PNPLA1: variants seen among roughly 807,000 people sequenced by gnomAD.
PNPLA1 encodes the protein patatin like domain 1, omega-hydroxyceramide transacylase, also known as omega-hydroxyceramide transacylase.
In PNPLA1, 36 loss-of-function variants were observed where a neutral mutation model predicts 51.7. That is an observed-to-expected ratio of 0.70 (90% CI 0.53 to 0.92). The LOEUF is 0.92. Ranked by LOEUF, PNPLA1 falls within the 40% of genes least tolerant of loss-of-function variation. The pLI, the probability that PNPLA1 is intolerant of heterozygous loss-of-function variation, is 0.00. For missense variants in PNPLA1, 658 were observed against 682.5 expected (o/e 0.96, Z 0.40); for synonymous variants, 293 against 280.1 (o/e 1.05, Z -0.46).
In PNPLA1 at chr6:36,301,948, A is replaced by G. The variant is rs34598813; in HGVS notation, c.863A>G (p.Glu288Gly). The G allele has an allele frequency of 0.065, 105,575 of 1,614,132 alleles. 3,698 individuals carry two copies. Among genetic ancestry groups the G allele is most frequent in the African/African-American group, 0.12 (8,992 of 75,024 alleles). Residue 288 changes from glutamate (E) to glycine (G), a missense_variant, in exon 6 of 9, where the codon GAG becomes GGG. By Grantham distance (98) the Glu-to-Gly change is moderately conservative. Coordinates refer to ENST00000636260, the MANE Select transcript of PNPLA1 (RefSeq NM_001374623.1). Reference protein sequence around the residue: ...YCQIELALGNECPERSQPSLR... With the variant: ...YCQIELALGNGCPERSQPSLR... ...CAGATAGAACTCGCCCTTGGCAATGAGTGCCCTGAACGCAGTCAACCAAGC... is the reference window on the plus strand; with the variant it reads ...CAGATAGAACTCGCCCTTGGCAATGGGTGCCCTGAACGCAGTCAACCAAGC...
At chr6:36,276,019 T>C (rs1770086008) in intron 1 of PNPLA1, among the ~76,000 whole-genome samples, 1 of 151,786 alleles carries the variant, frequency 6.6e-6, no homozygotes, top group African/African-American at 2.4e-5. Context: ...CATGCAGTGG[T>C]GTGATCTCGG....
At chr6:36,297,964 T>C (rs1582090378) in intron 5 of PNPLA1, among the ~76,000 whole-genome samples, 1 of 151,996 alleles carries the variant, frequency 6.6e-6, no homozygotes, top group South Asian at 2.1e-4. Context: ...CCTTTCGTGA[T>C]CCCTCCCACC....
chr6:36,250,542 T>C (rs375961625), intron 1 of PNPLA1, among the ~76,000 whole-genome samples: 38 of 152,346 alleles, frequency 2.5e-4, no homozygotes, highest in African/African-American at 7.9e-4. Context: ...TCCTTGTAGC[T>C]GAGTTCATCC....
intron 1 of PNPLA1, among the ~76,000 whole-genome samples, chr6:36,253,420 G>A (rs1582027051): frequency 6.6e-6 from 1 of 152,218 alleles, no homozygotes; most frequent in East Asian, 1.9e-4. Flanking sequence ...CCACAAATGG[G>A]TTAACTAAGT....
chr6:36,248,675 T>A (rs535614763), intron 1 of PNPLA1, among the ~76,000 whole-genome samples: 1 of 152,124 alleles, frequency 6.6e-6, no homozygotes, highest in South Asian at 2.1e-4. Flanking sequence ...CATGCCACCA[T>A]GCCCAGCTAA....
chr6:36,280,614 C>T (rs779529221), intron 1 of PNPLA1, among the ~76,000 whole-genome samples: 8 of 152,210 alleles, frequency 5.3e-5, no homozygotes, highest in Non-Finnish European at 1.2e-4. Context: ...AGCCCAAGAA[C>T]GTAGTCCCTG....
intron 1 of PNPLA1, among the ~76,000 whole-genome samples, chr6:36,281,413 C>T (rs1360824028): frequency 6.6e-6 from 1 of 152,192 alleles, no homozygotes; most frequent in Non-Finnish European, 1.5e-5. Context: ...TTTTGAATAA[C>T]AGCTATTTAC....
In PNPLA1 at chr6:36,297,888, A is replaced by ACACC. The variant is rs60041749; in HGVS notation, c.775+2465_775+2466insACCC. 1.4e-3 allele frequency among the ~76,000 whole-genome samples: 216 copies of ACACC among 150,774 alleles called. 1 individual carries two copies. Among genetic ancestry groups the ACACC allele is most frequent in the Non-Finnish European group, 2.2e-3 (148 of 67,732 alleles). The stretch of plus-strand genomic sequence containing the variant: ...TGTACACACACACACACACACACAC[A>ACACC]CCCTGTGAAACCATCACCACAATTA... On this transcript the variant is annotated intron_variant, in intron 5 of 8. Coordinates refer to ENST00000636260, the MANE Select transcript of PNPLA1 (RefSeq NM_001374623.1).
Position 36,270,413 on chromosome 6 carries a change from T to A in PNPLA1, c.-47T>A. ...GGCAGCCCAGGCTCGGGCAGGCAAGTGCTGAAGGGTGGCTCCGCCTTCCGC... is the reference window on the plus strand; with the variant it reads ...GGCAGCCCAGGCTCGGGCAGGCAAGAGCTGAAGGGTGGCTCCGCCTTCCGC... On this transcript the variant is annotated 5_prime_UTR_variant, in exon 1 of 9. Coordinates refer to ENST00000636260, the MANE Select transcript of PNPLA1 (RefSeq NM_001374623.1). The A allele has an allele frequency of 6.5e-7, 1 of 1,544,510 alleles. No individual in the cohort carries two copies. Among genetic ancestry groups the A allele is most frequent in the Non-Finnish European group, 8.8e-7 (1 of 1,142,200 alleles).
intron 1 of PNPLA1, among the ~76,000 whole-genome samples, chr6:36,246,941 G>A (rs922737319): frequency 2.6e-5 from 4 of 151,974 alleles, no homozygotes; most frequent in Non-Finnish European, 4.4e-5. Flanking sequence ...GCCTCCCCGC[G>A]CTCACTGCTG....
upstream of PNPLA1, among the ~76,000 whole-genome samples, chr6:36,268,686 A>G (rs1303641677): frequency 6.6e-6 from 1 of 152,118 alleles, no homozygotes; most frequent in African/African-American, 2.4e-5. Flanking sequence ...GTACTTAATT[A>G]TAGATTGCCT....
intron 5 of PNPLA1, 117 bp from the exon 6 acceptor site, chr6:36,301,744 C>T (rs1195910983): frequency 3.1e-5 from 41 of 1,343,656 alleles, no homozygotes; most frequent in South Asian, 2.4e-4. Context: ...CAAGTAAGTA[C>T]AGAAAGACCT....
In PNPLA1 at chr6:36,294,270, G is replaced by T. The variant is rs762538744; in HGVS notation, c.585G>T (p.Gly195=). The T allele has an allele frequency of 1.2e-5, 20 of 1,614,092 alleles. No homozygotes were observed. Among genetic ancestry groups the T allele is most frequent in the Non-Finnish European group, 1.4e-5 (17 of 1,180,036 alleles). The change falls in exon 4 of 9, where the codon GGG becomes GGT. Residue 195 remains glycine, a synonymous_variant. Coordinates refer to ENST00000636260, the MANE Select transcript of PNPLA1 (RefSeq NM_001374623.1). The surrounding 1 kb of genome is among the most constrained non-coding windows in gnomAD (Gnocchi z 4.2). ...TDAITISTFS[G]QQDICPRDCP... is the part of the protein sequence containing the mutation. ...CCATCACCATCTCCACCTTCAGTGG[G>T]CAGCAGGACATCTGTCCCCGGGACT...
At chr6:36,282,092 G>GAAAGAAAGAAAGAAAGAAAAGAAAGAAA (rs59914317) in intron 1 of PNPLA1, among the ~76,000 whole-genome samples, 3 of 40,718 alleles carry the variant, frequency 7.4e-5, no homozygotes, top group African/African-American at 3.5e-4. Context: ...AAAGAAAGAA[G>GAAAGAAAGAAAGAAAGAAAAGAAAGAAA]GAAGGAAGGA....
At chr6:36,271,498 T>C (rs1582047490) in intron 1 of PNPLA1, among the ~76,000 whole-genome samples, 1 of 152,274 alleles carries the variant, frequency 6.6e-6, no homozygotes, top group Non-Finnish European at 1.5e-5. Flanking sequence ...ATAATAAACA[T>C]TCAAACAAGG....
intron 1 of PNPLA1, among the ~76,000 whole-genome samples, chr6:36,246,098 C>G (rs1769275379): frequency 6.6e-6 from 1 of 152,192 alleles, no homozygotes; most frequent in Admixed American, 6.5e-5. Flanking sequence ...CACATACACG[C>G]TCATCTACTT....
chr6:36,253,714 A>G (rs1769471209), intron 1 of PNPLA1, among the ~76,000 whole-genome samples: 1 of 152,146 alleles, frequency 6.6e-6, no homozygotes, highest in Admixed American at 6.5e-5. Flanking sequence ...CCTGGCCTCA[A>G]ATGATCCTCC....
upstream of PNPLA1, among the ~76,000 whole-genome samples, chr6:36,269,077 A>C (rs1769832373): frequency 6.6e-6 from 1 of 152,198 alleles, no homozygotes. Flanking sequence ...ACTCCCTCCT[A>C]ACTGAAGCCT....
At chr6:36,300,178 T>TGTGTGTGTGTGTGAGAGAGAGA in intron 5 of PNPLA1, among the ~76,000 whole-genome samples, 5 of 98,088 alleles carry the variant, frequency 5.1e-5, no homozygotes, top group African/African-American at 1.7e-4. Flanking sequence ...TGTGTGTGTG[T>TGTGTGTGTGTGTGAGAGAGAGA]GAGAGAGAGA....
Sources: gnomAD v4.1 joint callset for allele counts (sites outside exome capture counted in the v4.1 genomes callset) on GRCh38, gnomAD v4.1.1 for gene constraint, Gnocchi (gnomAD v3.1) non-coding constraint, MANE v1.5 for transcripts, NCBI Gene and HGNC (gene_info 2026-07-23, HGNC 2026-07-21) for gene names.